The following GRM1 variants were observed in gnomAD, a reference collection of about 807,000 sequenced individuals.
The protein encoded by GRM1 is glutamate metabotropic receptor 1, also known as metabotropic glutamate receptor 1.
GRM1 carries 33 observed loss-of-function variants against 90.9 expected under a neutral mutation model. That is an observed-to-expected ratio of 0.36 (90% CI 0.28 to 0.49). The LOEUF (loss-of-function observed/expected upper bound fraction) is 0.49. Ranked by LOEUF, GRM1 falls within the 20% of genes least tolerant of loss-of-function variation. The pLI is 0.99. For synonymous variants in GRM1, 700 were observed against 613.2 expected, an observed-to-expected ratio of 1.14 and a Z score of -2.09; for missense variants, 1,190 against 1,534.3, an observed-to-expected ratio of 0.78 and a Z score of 3.75.
intron 1 of GRM1, among the ~76,000 whole-genome samples, chr6:146,049,995 G>A (rs899980866): frequency 1.3e-5 from 2 of 151,882 alleles, no homozygotes; most frequent in African/African-American, 2.4e-5. Context: ...TGATTACTAC[G>A]TATAATCTCC....
chr6:146,344,257 G>T (rs73785349), intron 3 of GRM1, among the ~76,000 whole-genome samples: 1 of 152,022 alleles, frequency 6.6e-6, no homozygotes, highest in African/African-American at 2.4e-5. Flanking sequence ...AATTATTAAC[G>T]CATACCCCAT....
intron 1 of GRM1, among the ~76,000 whole-genome samples, chr6:146,112,343 G>A (rs1430438302): frequency 6.6e-6 from 1 of 151,282 alleles, no homozygotes; most frequent in African/African-American, 2.4e-5. Context: ...TTTGGAAAGG[G>A]ACTATCTTCA....
chr6:146,142,132 T>G (rs189959425), intron 1 of GRM1, among the ~76,000 whole-genome samples: 2 of 152,344 alleles, frequency 1.3e-5, no homozygotes, highest in East Asian at 3.9e-4. Flanking sequence ...AGTAACACTG[T>G]AGCTCCCGTA....
At position 146,046,477 on chromosome 6, in the gene GRM1, C is replaced by T. The variant is rs145551967; in HGVS notation, c.700+16260C>T. Among the ~76,000 whole-genome samples, 742 of 152,072 alleles carry T rather than the reference C, an allele frequency of 4.9e-3. 4 individuals are homozygous for T. Among genetic ancestry groups the T allele is most frequent in the Admixed American group, 0.011 (171 of 15,256 alleles). ...TCTCTCTACAGCCTCTGAAGGATCT[C>T]CTGATCATTGACATTAATTTCTTCA... is the stretch of plus-strand genomic sequence containing the variant. On this transcript the variant is annotated intron_variant, in intron 1 of 7. Transcript: ENST00000282753.
intron 2 of GRM1, among the ~76,000 whole-genome samples, chr6:146,204,544 A>G (rs1173186002): frequency 6.6e-6 from 1 of 152,206 alleles, no homozygotes; most frequent in African/African-American, 2.4e-5. Flanking sequence ...TAGCCCAGGT[A>G]TCACATTTAT....
intron 1 of GRM1, among the ~76,000 whole-genome samples, chr6:146,044,508 C>T (rs933006288): frequency 3.3e-5 from 5 of 151,820 alleles, no homozygotes; most frequent in African/African-American, 7.3e-5. Context: ...CTTGGGAAAC[C>T]GAGCTTGATA....
At position 146,185,664 on chromosome 6, in the gene GRM1, G is replaced by T. The variant is rs551706377; in HGVS notation, c.950+26067G>T. Reference sequence around the variant, plus strand: ...AGATTGGTGATTTGTGGTGATTTGGGAGTAAAATTCTCTGAAAACTTTGTG... The same window carrying T: ...AGATTGGTGATTTGTGGTGATTTGGTAGTAAAATTCTCTGAAAACTTTGTG... On this transcript the variant is annotated intron_variant, in intron 2 of 7. Transcript: ENST00000282753. Among the ~76,000 whole-genome samples, 3 of 152,248 alleles carry T rather than the reference G, an allele frequency of 2.0e-5. No individual in the cohort carries two copies. The South Asian group carries it at 6.2e-4, about 32-fold the overall frequency.
intron 5 of GRM1, among the ~76,000 whole-genome samples, chr6:146,370,591 A>G (rs914998908): frequency 3.3e-5 from 5 of 152,002 alleles, no homozygotes; most frequent in African/African-American, 4.8e-5. Context: ...ATTTATTCCC[A>G]TGCATAACAT....
At chr6:146,126,641 T>A (rs1322638152) in intron 1 of GRM1, among the ~76,000 whole-genome samples, 1 of 152,162 alleles carries the variant, frequency 6.6e-6, no homozygotes, top group Admixed American at 6.5e-5. Flanking sequence ...CATATCATTG[T>A]AATTTTAATC....
chr6:146,119,811 G>T (rs1009046418), intron 1 of GRM1, among the ~76,000 whole-genome samples: 7 of 151,998 alleles, frequency 4.6e-5, no homozygotes, highest in Non-Finnish European at 1.0e-4. Flanking sequence ...TCTCTGTTTT[G>T]GTACCAGTAC....
At chr6:146,180,540 G>A (rs1004806848) in intron 2 of GRM1, among the ~76,000 whole-genome samples, 1 of 152,118 alleles carries the variant, frequency 6.6e-6, no homozygotes, top group African/African-American at 2.4e-5. Context: ...ATTGTGTGGA[G>A]TGATCGTTGA....
chr6:146,396,909 C>G (rs1043806619), intron 6 of GRM1, among the ~76,000 whole-genome samples: 1 of 152,076 alleles, frequency 6.6e-6, no homozygotes, highest in Admixed American at 6.5e-5. Flanking sequence ...TAAGTGCCTT[C>G]TATATAAAGA....
chr6:146,421,400 T>A (rs866186173), intron 7 of GRM1, among the ~76,000 whole-genome samples: 1 of 152,150 alleles, frequency 6.6e-6, no homozygotes. Flanking sequence ...AATTGTTGAA[T>A]GGAAATGTAA....
intron 2 of GRM1, among the ~76,000 whole-genome samples, chr6:146,179,716 T>A (rs568064719): frequency 6.6e-6 from 1 of 152,118 alleles, no homozygotes; most frequent in East Asian, 1.9e-4. Context: ...GGGGTTTCAC[T>A]GTGTTAGCCA....
intron 3 of GRM1, among the ~76,000 whole-genome samples, chr6:146,330,241 T>C (rs2114992169): frequency 6.6e-6 from 1 of 152,334 alleles, no homozygotes; most frequent in South Asian, 2.1e-4. Context: ...TTTTCTTTTT[T>C]CTTGTTAAAT....
chr6:146,305,519 T>C (rs1783545869), intron 3 of GRM1, among the ~76,000 whole-genome samples: 1 of 152,214 alleles, frequency 6.6e-6, no homozygotes. Context: ...AGTATTATTA[T>C]TACTGCATAG....
intron 2 of GRM1, among the ~76,000 whole-genome samples, chr6:146,261,850 GA>G (rs1200022297): frequency 6.6e-6 from 1 of 151,910 alleles, no homozygotes; most frequent in Middle Eastern, 3.4e-3. Flanking sequence ...CTATAGATAT[GA>G]AAAAAATAGA....
intron 1 of GRM1, among the ~76,000 whole-genome samples, chr6:146,093,268 G>A (rs940261540): frequency 9.2e-5 from 14 of 152,064 alleles, no homozygotes; most frequent in Non-Finnish European, 1.3e-4. Context: ...ATGCTTCCAC[G>A]TCTTTGGAAG....
At chr6:146,393,657 G>A (rs1481102386) in intron 6 of GRM1, among the ~76,000 whole-genome samples, 3 of 152,108 alleles carry the variant, frequency 2.0e-5, no homozygotes, top group African/African-American at 7.2e-5. Flanking sequence ...TCATGGATAG[G>A]AAGCATCAGT....
Sources: gnomAD v4.1 joint callset for allele counts (sites outside exome capture counted in the v4.1 genomes callset) on GRCh38, gnomAD v4.1.1 for gene constraint, MANE v1.5 for transcripts, NCBI Gene and HGNC (gene_info 2026-07-23, HGNC 2026-07-21) for gene names.